The following RBM39 variants were observed in gnomAD, a reference collection of about 807,000 sequenced individuals.
RBM39 encodes the protein RNA-binding protein 39.
In RBM39, 12 loss-of-function variants were observed where a neutral mutation model predicts 79.6. The observed-to-expected ratio is 0.15, with a 90% CI of 0.10 to 0.24. The LOEUF (loss-of-function observed/expected upper bound fraction) is 0.24. RBM39 is among the 10% of genes least tolerant of loss of function. The pLI is 1.00. For synonymous variants in RBM39, 185 were observed against 208.4 expected (o/e 0.89, Z 0.97); for missense variants, 243 against 653.4 (o/e 0.37, Z 6.85).
chr20:35,714,396 G>A lies in RBM39; in HGVS notation c.892-7C>T, dbSNP rs1166099527. 5 of 1,613,194 alleles carry A rather than the reference G, an allele frequency of 3.1e-6. No homozygotes were observed. The highest frequency in any genetic ancestry group is 1.7e-5 in the Admixed American group (1 of 59,948). ...CACATTCTGAGTCAGAAAACTACAT[G>A]ATAGGGGAGGCAAGGACAGGAGACA... On this transcript the variant is annotated splice_polypyrimidine_tract_variant and splice_region_variant and intron_variant, in intron 10 of 16. Transcript: ENST00000253363.
At chr20:35,735,502 A>C (rs1336045013) in intron 3 of RBM39, among the ~76,000 whole-genome samples, 2 of 152,236 alleles carry the variant, frequency 1.3e-5, no homozygotes, top group Non-Finnish European at 2.9e-5. Context: ...ACTACCTAAC[A>C]AACTATAGCT....
chr20:35,724,995 G>T, intron 7 of RBM39, 43 bp downstream of exon 7: 1 of 1,338,962 alleles, frequency 7.5e-7, no homozygotes, highest in Non-Finnish European at 1.1e-6. Context: ...GTTTTCTCTT[G>T]CAATTTCTAC....
intron 3 of RBM39, 95 bp downstream of exon 3, chr20:35,738,873 A>C: frequency 9.2e-7 from 1 of 1,086,966 alleles, no homozygotes; most frequent in Non-Finnish European, 1.3e-6. Flanking sequence ...GCTTCAGAAG[A>C]GAATTTTGTA....
At chr20:35,716,932 C>T in intron 9 of RBM39, 127 bp from the exon 10 acceptor site, 1 of 605,870 alleles carries the variant, frequency 1.7e-6, no homozygotes, top group Non-Finnish European at 2.9e-6. Flanking sequence ...ATCACAAAAC[C>T]TCATCACCAA....
intron 13 of RBM39, among the ~76,000 whole-genome samples, chr20:35,708,446 G>T (rs1394536070): frequency 2.6e-5 from 4 of 152,088 alleles, no homozygotes; most frequent in Non-Finnish European, 4.4e-5. Flanking sequence ...GTTCAAGCTA[G>T]ATCAATGCAG....
At chr20:35,738,219 G>C (rs1490512995) in intron 3 of RBM39, among the ~76,000 whole-genome samples, 1 of 151,536 alleles carries the variant, frequency 6.6e-6, no homozygotes, top group Non-Finnish European at 1.5e-5. Context: ...AGTGAGCCCA[G>C]ACTGCGCCAC....
Position 35,725,657 on chromosome 20 carries a change from C to CT in RBM39, c.417-503dup, listed in dbSNP as rs773506913. Among the ~76,000 whole-genome samples the CT allele has an allele frequency of 7.1e-3, 870 of 122,198 alleles. 5 individuals are homozygous for CT. Among genetic ancestry groups the CT allele is most frequent in the South Asian group, 0.016 (61 of 3,766 alleles). 80.2% of individuals were successfully genotyped at this position (122,198 alleles called of 152,430 possible). A position where few individuals can be genotyped will look rare whatever the true frequency, so the allele number is the denominator to read the frequency against. On this transcript the variant is annotated intron_variant, in intron 6 of 16. Transcript: ENST00000253363. Reference sequence around the variant, plus strand: ...TTGTCATAATTCCCAAACCCATTTTCTTTTTTTTTTTTTTTTTTTTCCAGA... The same window carrying CT: ...TTGTCATAATTCCCAAACCCATTTTCTTTTTTTTTTTTTTTTTTTTTCCAGA...
intron 10 of RBM39, among the ~76,000 whole-genome samples, chr20:35,715,799 C>A (rs1375349469): frequency 6.6e-6 from 1 of 152,108 alleles, no homozygotes; most frequent in Non-Finnish European, 1.5e-5. Flanking sequence ...AAGGCAGATC[C>A]CTCATGAATG....
chr20:35,735,433 T>C (rs933704038), intron 3 of RBM39, among the ~76,000 whole-genome samples: 2 of 152,214 alleles, frequency 1.3e-5, no homozygotes, highest in African/African-American at 4.8e-5. Flanking sequence ...AGAATCAGAA[T>C]TATACAATTA....
chr20:35,729,435 A>C, intron 5 of RBM39, 27 bp downstream of exon 5: 4 of 1,610,410 alleles, frequency 2.5e-6, no homozygotes, highest in Non-Finnish European at 3.4e-6. Flanking sequence ...AAAACAATTT[A>C]AACAATTCAG....
chr20:35,740,488 G>A (rs2040399464), intron 2 of RBM39: 2 of 1,220,026 alleles, frequency 1.6e-6, no homozygotes, highest in Non-Finnish European at 1.1e-6. Context: ...TTTTACCTAG[G>A]GGACCACGGT....
chr20:35,740,986 A>C, intron 1 of RBM39, 99 bp from the exon 2 acceptor site: 1 of 726,870 alleles, frequency 1.4e-6, no homozygotes, highest in Non-Finnish European at 2.3e-6. Context: ...TTTTCTCTAA[A>C]CGCCTAGGAA....
chr20:35,718,213 C>CA (rs1287716517), intron 9 of RBM39, among the ~76,000 whole-genome samples: 9 of 151,242 alleles, frequency 6.0e-5, no homozygotes, highest in Non-Finnish European at 1.2e-4. Context: ...AAAAAAGAAA[C>CA]AAAGTTTATT....
intron 14 of RBM39, among the ~76,000 whole-genome samples, chr20:35,706,677 G>A (rs1459978748): frequency 6.6e-6 from 1 of 152,018 alleles, no homozygotes; most frequent in South Asian, 2.1e-4. Flanking sequence ...CATAGTTTCC[G>A]CACCTGGCCG....
intron 9 of RBM39, among the ~76,000 whole-genome samples, chr20:35,717,709 G>A (rs1003256526): frequency 3.9e-5 from 6 of 152,164 alleles, no homozygotes; most frequent in African/African-American, 1.2e-4. Context: ...AGAGCATCCA[G>A]CCAGGTGGGT....
intron 10 of RBM39, among the ~76,000 whole-genome samples, chr20:35,716,215 AG>A (rs917087450): frequency 5.3e-5 from 8 of 152,108 alleles, no homozygotes; most frequent in Non-Finnish European, 8.8e-5. Context: ...GTGGGATTAC[AG>A]TTGAGCACCA....
chr20:35,727,651 T>TTTG (rs1491502894), intron 6 of RBM39, among the ~76,000 whole-genome samples: 8 of 84,964 alleles, frequency 9.4e-5, no homozygotes, highest in African/African-American at 3.8e-4. Flanking sequence ...AATTTTTGTA[T>TTTG]TTTTTTTTTT....
At chr20:35,732,378 A>C (rs2039467173) in intron 3 of RBM39, 1 of 507,260 alleles carries the variant, frequency 2.0e-6, no homozygotes, top group Admixed American at 3.4e-5. Context: ...CAATGTAGTG[A>C]AACCCCGTCC....
intron 9 of RBM39, among the ~76,000 whole-genome samples, chr20:35,719,367 A>G (rs2037602963): frequency 6.6e-6 from 1 of 152,106 alleles, no homozygotes; most frequent in African/African-American, 2.4e-5. Context: ...AGCTGTTTGG[A>G]AGAGAGTTGA....
Sources: allele counts gnomAD v4.1 joint callset (sites outside exome capture counted in the v4.1 genomes callset), GRCh38; gene constraint gnomAD v4.1.1; transcripts MANE v1.5; gene names NCBI Gene and HGNC (gene_info 2026-07-23, HGNC 2026-07-21).